NAV2: variants seen among roughly 807,000 people sequenced by gnomAD.
NAV2 encodes neuron navigator 2.
Under a neutral mutation model 223.2 loss-of-function variants are expected in NAV2, and 54 were observed. That is an observed-to-expected ratio of 0.24 (90% confidence interval 0.19 to 0.30). The LOEUF is 0.30. Among genes scored for constraint, NAV2 ranks in the 10% least tolerant of loss-of-function variants. NAV2 has a pLI of 1.00. For synonymous variants in NAV2, 1,279 were observed against 1,239.3 expected (o/e 1.03, Z -0.67); for missense variants, 2,806 against 3,147.5 (o/e 0.89, Z 2.60).
intron 1 of NAV2, among the ~76,000 whole-genome samples, chr11:19,395,359 G>A (rs1347421570): frequency 6.6e-6 from 1 of 152,158 alleles, no homozygotes; most frequent in East Asian, 1.9e-4. Context: ...CATTTTGAAG[G>A]CCTCCTTTGT....
At chr11:19,611,650 G>A (rs1430427319) in intron 1 of NAV2, among the ~76,000 whole-genome samples, 2 of 152,212 alleles carry the variant, frequency 1.3e-5, no homozygotes, top group African/African-American at 4.8e-5. Flanking sequence ...TCTGACTCCA[G>A]GTCTCACATC....
chr11:19,679,228 C>T (rs1336324935), intron 1 of NAV2, among the ~76,000 whole-genome samples: 2 of 151,976 alleles, frequency 1.3e-5, no homozygotes, highest in African/African-American at 4.8e-5. Context: ...GTCAGGAGTT[C>T]GAGAGCAGCC....
intron 1 of NAV2, among the ~76,000 whole-genome samples, chr11:19,633,405 C>T (rs761961342): frequency 4.1e-4 from 62 of 152,240 alleles, no homozygotes; most frequent in Admixed American, 1.8e-3. Context: ...GTACTCAGCC[C>T]GCCAAGAGGC....
At chr11:20,097,283 C>A (rs937556629) in intron 30 of NAV2, among the ~76,000 whole-genome samples, 1 of 152,168 alleles carries the variant, frequency 6.6e-6, no homozygotes, top group Non-Finnish European at 1.5e-5. Flanking sequence ...TTAGGAAAAG[C>A]AGCCTAGCTT....
chr11:20,079,434 G>A (rs2059955878), intron 24 of NAV2, among the ~76,000 whole-genome samples: 1 of 152,202 alleles, frequency 6.6e-6, no homozygotes, highest in Admixed American at 6.5e-5. Context: ...TGTTCTCAAA[G>A]ACCAGCCTTT....
chr11:19,745,731 A>G (rs909954944), intron 1 of NAV2, among the ~76,000 whole-genome samples: 2 of 151,978 alleles, frequency 1.3e-5, no homozygotes, highest in Non-Finnish European at 2.9e-5. Context: ...TGCAACCTAG[A>G]TCCCTCGCAT....
intron 10 of NAV2, among the ~76,000 whole-genome samples, chr11:19,956,719 GCT>G (rs974348199): frequency 1.3e-5 from 2 of 152,172 alleles, no homozygotes; most frequent in African/African-American, 4.8e-5. Context: ...CACCCTGGAA[GCT>G]CTCTGAGTCC....
intron 11 of NAV2, among the ~76,000 whole-genome samples, chr11:20,015,258 A>T (rs2053908669): frequency 6.6e-6 from 1 of 152,192 alleles, no homozygotes; most frequent in East Asian, 1.9e-4. Flanking sequence ...GAGCATTGCC[A>T]TCTGCTGCTA....
At chr11:19,879,249 A>C (rs1231297169) in intron 4 of NAV2, among the ~76,000 whole-genome samples, 1 of 152,124 alleles carries the variant, frequency 6.6e-6, no homozygotes, top group Non-Finnish European at 1.5e-5. Flanking sequence ...AAAAACAAAA[A>C]TTTGTTCCCA....
At chr11:19,724,606 TGTGGCA>T (rs1394344647) in intron 1 of NAV2, among the ~76,000 whole-genome samples, 1 of 152,236 alleles carries the variant, frequency 6.6e-6, no homozygotes, top group Admixed American at 6.5e-5. Flanking sequence ...ATGGTATAAG[TGTGGCA>T]ATAGGCCAAC....
At chr11:19,967,516 G>T (rs2048873114) in intron 10 of NAV2, among the ~76,000 whole-genome samples, 1 of 152,076 alleles carries the variant, frequency 6.6e-6, no homozygotes, top group African/African-American at 2.4e-5. Context: ...AAAAGCAGTA[G>T]GTTCCAGGGG....
chr11:19,817,119 A>T (rs2059132298), intron 1 of NAV2, among the ~76,000 whole-genome samples: 2 of 152,194 alleles, frequency 1.3e-5, no homozygotes, highest in Admixed American at 1.3e-4. Context: ...AATCACCACG[A>T]GTGCACACAG....
At chr11:19,960,898 C>T (rs2048306709) in intron 10 of NAV2, among the ~76,000 whole-genome samples, 1 of 151,732 alleles carries the variant, frequency 6.6e-6, no homozygotes, top group South Asian at 2.1e-4. Flanking sequence ...CAGGTGTGAA[C>T]CACTATGTCC....
upstream of NAV2, among the ~76,000 whole-genome samples, chr11:19,346,939 T>C (rs897240305): frequency 1.3e-5 from 2 of 152,260 alleles, no homozygotes; most frequent in African/African-American, 4.8e-5. Flanking sequence ...TAAGTGTTAA[T>C]TAGACCATTG....
intron 11 of NAV2, among the ~76,000 whole-genome samples, chr11:19,987,677 G>T (rs752399553): frequency 1.3e-5 from 2 of 152,214 alleles, no homozygotes; most frequent in Non-Finnish European, 2.9e-5. Context: ...GACTGTGTCA[G>T]TTGGTGAGTC....
At chr11:19,640,367 G>A (rs1354573764) in intron 1 of NAV2, among the ~76,000 whole-genome samples, 1 of 151,836 alleles carries the variant, frequency 6.6e-6, no homozygotes, top group African/African-American at 2.4e-5. Context: ...ACTGTGGTAT[G>A]ATATTTTAAA....
intron 1 of NAV2, among the ~76,000 whole-genome samples, chr11:19,478,486 T>C (rs577071063): frequency 4.8e-4 from 73 of 152,138 alleles, no homozygotes; most frequent in African/African-American, 3.4e-4. Context: ...CCTTGCAGAC[T>C]AAAGCAGAAG....
At chr11:20,068,294 G>A (rs778859314) in intron 21 of NAV2, 30 bp from the exon 22 acceptor site, 7 of 1,612,078 alleles carry the variant, frequency 4.3e-6, no homozygotes, top group South Asian at 1.1e-5. Flanking sequence ...GACCCCCAAA[G>A]CATGTAACCC....
At position 19,473,030 on chromosome 11, in the gene NAV2, A is replaced by G. The variant is rs532748514; in HGVS notation, c.75+122003A>G. Reference sequence around the variant, plus strand: ...GGGAACTTCCCAAGGCTCCTGAGAGAGCAGCCATGCCAGGAATGGATGGAG... The same window carrying G: ...GGGAACTTCCCAAGGCTCCTGAGAGGGCAGCCATGCCAGGAATGGATGGAG... On this transcript the variant is annotated intron_variant, in intron 1 of 37. Coordinates refer to the NAV2 transcript ENST00000360655. Among the ~76,000 whole-genome samples, 6 of 152,296 alleles carry G rather than the reference A, an allele frequency of 3.9e-5. No individual in the cohort carries two copies. The South Asian group carries it at 1.2e-3, about 32-fold the overall frequency.
Sources: allele counts gnomAD v4.1 joint callset (sites outside exome capture counted in the v4.1 genomes callset), GRCh38; gene constraint gnomAD v4.1.1; transcripts MANE v1.5; gene names NCBI Gene and HGNC (gene_info 2026-07-23, HGNC 2026-07-21).